The following FREM3 variants were observed in gnomAD, a reference collection of about 807,000 sequenced individuals.
FREM3 encodes the protein FRAS1 related extracellular matrix 3.
A neutral mutation model predicts 129.1 loss-of-function variants in FREM3; 105 were observed. The observed-to-expected ratio is 0.81, with a 90% CI of 0.69 to 0.96. The LOEUF is 0.96. Ranked by LOEUF, FREM3 falls within the 40% of genes least tolerant of loss-of-function variation. FREM3 has a pLI of 0.00. For synonymous variants in FREM3, 1,014 were observed against 1,044.9 expected (o/e 0.97, Z 0.57); for missense variants, 2,593 against 2,666.3 (o/e 0.97, Z 0.61).
intron 5 of FREM3, among the ~76,000 whole-genome samples, chr4:143,617,158 C>T (rs752305563): frequency 1.6e-4 from 24 of 145,840 alleles, no homozygotes; most frequent in Middle Eastern, 3.4e-3. Flanking sequence ...TGTCTAATTT[C>T]CAAGTCTTTA....
chr4:143,673,532 G>A (rs1371051481), intron 2 of FREM3, among the ~76,000 whole-genome samples: 1 of 152,192 alleles, frequency 6.6e-6, no homozygotes, highest in Non-Finnish European at 1.5e-5. Flanking sequence ...TAGGCTATTC[G>A]TGGGTCAGGG....
intron 6 of FREM3, among the ~76,000 whole-genome samples, chr4:143,592,045 A>C (rs916829901): frequency 1.4e-4 from 21 of 152,258 alleles, no homozygotes; most frequent in African/African-American, 4.3e-4. Context: ...CTGTTTTATC[A>C]GAGACTAGGA....
At chr4:143,638,090 G>A (rs147347503) in intron 2 of FREM3, among the ~76,000 whole-genome samples, 113 of 152,222 alleles carry the variant, frequency 7.4e-4, no homozygotes, top group Admixed American at 1.2e-3. Context: ...ACAAGTTTTC[G>A]TGCCCTTTTT....
In FREM3 at chr4:143,695,808, G is replaced by A. The variant is rs1174162649; in HGVS notation, c.4868C>T (p.Thr1623Ile). Residue 1623 changes from threonine to isoleucine, a missense_variant, in exon 1 of 8, where the codon ACT becomes ATT. By Grantham distance (89) the Thr-to-Ile change is moderately conservative (BLOSUM62 -1). Transcript: ENST00000329798. ...ATCAGTGTGAGTGCCGTCTGTCACA[G>A]TCAAGGAGAAACTATCTTCAGTGGT... ...SETTEDSFSL[T>I]VTDGTHTDFY... 6.5e-7 allele frequency: 1 copy of A among 1,537,344 alleles called. No individual in the cohort carries two copies. Among genetic ancestry groups the A allele is most frequent in the Admixed American group, 2.0e-5 (1 of 51,010 alleles).
At chr4:143,593,845 G>A (rs1418596015) in intron 6 of FREM3, among the ~76,000 whole-genome samples, 1 of 152,218 alleles carries the variant, frequency 6.6e-6, no homozygotes, top group Non-Finnish European at 1.5e-5. Flanking sequence ...GGAGTCTACA[G>A]AGGCAGGCAG....
chr4:143,637,763 T>C (rs1035554661), intron 2 of FREM3, among the ~76,000 whole-genome samples: 1 of 152,016 alleles, frequency 6.6e-6, no homozygotes, highest in Admixed American at 6.6e-5. Flanking sequence ...AACAAAGATA[T>C]GAGATTTATG....
intron 6 of FREM3, among the ~76,000 whole-genome samples, chr4:143,589,512 G>T (rs1459271407): frequency 6.6e-6 from 1 of 152,068 alleles, no homozygotes; most frequent in Admixed American, 6.6e-5. Context: ...TTTCCCCATT[G>T]CTTGTTTTTC....
At chr4:143,597,695 A>G (rs972742214) in intron 6 of FREM3, among the ~76,000 whole-genome samples, 2 of 152,004 alleles carry the variant, frequency 1.3e-5, no homozygotes, top group East Asian at 3.8e-4. Context: ...TAAAACACTT[A>G]GGCATAAACT....
At position 143,700,408 on chromosome 4, in the gene FREM3, GC is replaced by G. The variant is rs1246442059; in HGVS notation, c.267del (p.Gln90SerfsTer81). 2 of 1,533,914 alleles carry G rather than the reference GC, an allele frequency of 1.3e-6. No individual in the cohort carries two copies. The highest frequency in any genetic ancestry group is 1.7e-6 in the Non-Finnish European group (2 of 1,145,574). Reference sequence around the variant, plus strand: ...GTGACTTCGCACCGGTCCCCCGGCTGCACTCCAATCACCAGATCCCGGAGCG... The same window carrying G: ...GTGACTTCGCACCGGTCCCCCGGCTGACTCCAATCACCAGATCCCGGAGCG... ...LDPLRDLVIGVQPGDRCEVTV... is the reference protein window; with the variant it reads ...LDPLRDLVIGXQPGDRCEVTV... On this transcript the variant is annotated frameshift_variant, in exon 1 of 8. Transcript: ENST00000329798. LOFTEE classifies it high-confidence loss of function.
At chr4:143,669,429 G>A (rs945911524) in intron 2 of FREM3, among the ~76,000 whole-genome samples, 3 of 152,034 alleles carry the variant, frequency 2.0e-5, no homozygotes, top group Admixed American at 6.5e-5. Context: ...GGCGTGAACC[G>A]CCACGCCTGG....
rs1222452202 is a variant in FREM3, at chr4:143,697,870, G to A, written c.2806C>T (p.Pro936Ser). ...IPITIPISVHPNVANRSPRIS... is the reference protein window; with the variant it reads ...IPITIPISVHSNVANRSPRIS... ...CTAGGACTTCTGTTAGCCACATTGG[G>A]ATGCACAGAAATTGGGATGGTGATG... The change falls in exon 1 of 8, where the codon CCC (proline) becomes TCC (serine). Residue 936 changes from proline to serine, a missense_variant. Transcript: ENST00000329798. The A allele has an allele frequency of 3.3e-6, 5 of 1,537,732 alleles. No homozygotes were observed. Among genetic ancestry groups the A allele is most frequent in the African/African-American group, 1.4e-5 (1 of 73,018 alleles).
At chr4:143,664,490 C>A (rs1363363047) in intron 2 of FREM3, among the ~76,000 whole-genome samples, 3 of 152,102 alleles carry the variant, frequency 2.0e-5, no homozygotes, top group Non-Finnish European at 4.4e-5. Context: ...TGTCAGTCTG[C>A]CCCTACTGGG....
At position 143,696,912 on chromosome 4, in the gene FREM3, A is replaced by G. The variant is rs749267649; in HGVS notation, c.3764T>C (p.Phe1255Ser). Residue 1255 changes from phenylalanine (F) to serine (S), a missense_variant, in exon 1 of 8, where the codon TTC becomes TCC. Physicochemically the swap from Phe to Ser is radical, Grantham distance 155. This residue lies in a region of FREM3 where 2,276 missense variants were observed against 2,267.2 expected (regional missense o/e 1.00). Transcript: ENST00000329798. ...LATGSQPIHS[F>S]TLKEIQEAST... ...GGCCTCCTGGATCTCCTTGAGGGTG[A>G]AGCTGTGGATGGGCTGGCTGCCTGT... The G allele has an allele frequency of 4.6e-6, 7 of 1,537,530 alleles. No homozygotes were observed. In the South Asian group the frequency reaches 5.9e-5, roughly 13 times the overall value.
intron 2 of FREM3, among the ~76,000 whole-genome samples, chr4:143,654,123 G>C (rs1739557482): frequency 6.6e-6 from 1 of 152,100 alleles, no homozygotes; most frequent in Admixed American, 6.5e-5. Flanking sequence ...TTATTTTTGA[G>C]ACGGAGTCTC....
intron 2 of FREM3, among the ~76,000 whole-genome samples, chr4:143,646,189 A>G (rs138195626): frequency 6.8e-4 from 103 of 152,348 alleles, no homozygotes; most frequent in African/African-American, 2.2e-3. Flanking sequence ...AAATTATTGG[A>G]AAATATGAGG....
At chr4:143,590,400 G>C (rs892123433) in intron 6 of FREM3, among the ~76,000 whole-genome samples, 4 of 152,132 alleles carry the variant, frequency 2.6e-5, no homozygotes, top group South Asian at 2.1e-4. Context: ...TTATTATTTT[G>C]TGATACGTCC....
intron 6 of FREM3, among the ~76,000 whole-genome samples, chr4:143,605,301 T>C (rs889829929): frequency 1.6e-4 from 24 of 152,146 alleles, no homozygotes; most frequent in African/African-American, 5.8e-4. Flanking sequence ...ATGGCACGGC[T>C]CAAGGGTATA....
At chr4:143,642,781 C>A (rs1335379251) in intron 2 of FREM3, among the ~76,000 whole-genome samples, 1 of 152,030 alleles carries the variant, frequency 6.6e-6, no homozygotes, top group Non-Finnish European at 1.5e-5. Flanking sequence ...CAAAAATAGA[C>A]AAATGGAATG....
At chr4:143,613,806 C>T (rs1266625820) in intron 5 of FREM3, among the ~76,000 whole-genome samples, 2 of 152,108 alleles carry the variant, frequency 1.3e-5, no homozygotes, top group African/African-American at 2.4e-5. Flanking sequence ...CTCCTCAGGA[C>T]GAATGCCAAA....
Sources: gnomAD v4.1 joint callset for allele counts (sites outside exome capture counted in the v4.1 genomes callset) on GRCh38, gnomAD v4.1.1 for gene constraint, gnomAD v4.1.1 regional missense constraint, MANE v1.5 for transcripts, NCBI Gene and HGNC (gene_info 2026-07-23, HGNC 2026-07-21) for gene names.